EXTL3: variants seen among roughly 807,000 people sequenced by gnomAD.
The protein encoded by EXTL3 is exostosin-like 3.
Under a neutral mutation model 69.3 loss-of-function variants are expected in EXTL3, and 27 were observed. That is an observed-to-expected ratio of 0.39 (90% CI 0.29 to 0.54). The LOEUF is 0.54. Among genes scored for constraint, EXTL3 ranks in the 20% least tolerant of loss-of-function variants. The pLI, the probability that EXTL3 is intolerant of heterozygous loss-of-function variation, is 0.69. For missense variants in EXTL3, 1,003 were observed against 1,231.8 expected, an observed-to-expected ratio of 0.81 and a Z score of 2.78; for synonymous variants, 511 against 499.4, an observed-to-expected ratio of 1.02 and a Z score of -0.31.
chr8:28,635,967 G>T (rs1377896862), intron 1 of EXTL3, among the ~76,000 whole-genome samples: 1 of 152,098 alleles, frequency 6.6e-6, no homozygotes, highest in African/African-American at 2.4e-5. Flanking sequence ...CAATTCGCCT[G>T]CCTTAGTCTC....
chr8:28,731,787 C>T (rs1801543531), intron 4 of EXTL3, among the ~76,000 whole-genome samples: 1 of 151,890 alleles, frequency 6.6e-6, no homozygotes, highest in Non-Finnish European at 1.5e-5. Flanking sequence ...GGAACAGTGC[C>T]AGGATCCTGG....
At chr8:28,669,094 C>T (rs940505207) in intron 1 of EXTL3, among the ~76,000 whole-genome samples, 3 of 152,078 alleles carry the variant, frequency 2.0e-5, no homozygotes, top group African/African-American at 7.2e-5. Context: ...AAACTCTTGA[C>T]CTTAAGTGAT....
At chr8:28,656,883 G>GTCTTTCTTTCTTTCTTTCTTTCTT (rs150342301) in intron 1 of EXTL3, among the ~76,000 whole-genome samples, 17 of 151,256 alleles carry the variant, frequency 1.1e-4, no homozygotes, top group Non-Finnish European at 1.5e-4. Flanking sequence ...ATTATGGTTG[G>GTCTTTCTTTCTTTCTTTCTTTCTT]TCTTTCTTTC....
chr8:28,688,083 C>T (rs1397119607), intron 1 of EXTL3, among the ~76,000 whole-genome samples: 1 of 128,386 alleles, frequency 7.8e-6, no homozygotes, highest in Admixed American at 8.2e-5. Flanking sequence ...TTTTTTGAGA[C>T]GGAGTTTCGC....
In EXTL3 at chr8:28,737,675, C is replaced by G. The variant is rs1801681442; in HGVS notation, c.2421+12C>G. ...CCTTCTTTCACAAGGTAAGAAAAAG[C>G]TGGTAATAATGGCATCGACTTGGTG... On this transcript the variant is annotated intron_variant, in intron 5 of 6. Coordinates refer to ENST00000220562, the MANE Select transcript of EXTL3 (RefSeq NM_001440.4). 1 of 1,614,044 alleles carries G rather than the reference C, an allele frequency of 6.2e-7. No homozygotes were observed. The highest frequency in any genetic ancestry group is 2.2e-5 in the East Asian group (1 of 44,886).
chr8:28,665,849 A>G (rs1433715221), intron 1 of EXTL3, among the ~76,000 whole-genome samples: 1 of 152,206 alleles, frequency 6.6e-6, no homozygotes, highest in Non-Finnish European at 1.5e-5. Flanking sequence ...CAAAAGCTGA[A>G]TGTGTTTAAG....
At chr8:28,707,021 C>T (rs1800937952) in intron 1 of EXTL3, among the ~76,000 whole-genome samples, 1 of 152,110 alleles carries the variant, frequency 6.6e-6, no homozygotes, top group Admixed American at 6.5e-5. Flanking sequence ...CTTGAATCCA[C>T]CTGGAACTTA....
At chr8:28,655,041 T>C (rs760161435) in intron 1 of EXTL3, among the ~76,000 whole-genome samples, 1 of 152,236 alleles carries the variant, frequency 6.6e-6, no homozygotes, top group Admixed American at 6.5e-5. Flanking sequence ...TGTGTTTGTT[T>C]ATTGACTTTT....
At chr8:28,723,893 C>A (rs887388295) in intron 3 of EXTL3, among the ~76,000 whole-genome samples, 1 of 152,038 alleles carries the variant, frequency 6.6e-6, no homozygotes, top group Non-Finnish European at 1.5e-5. Context: ...CTGCCCATTT[C>A]TGCCTCCCAA....
chr8:28,619,297 A>T (rs1312485784), upstream of EXTL3, among the ~76,000 whole-genome samples: 3 of 72,020 alleles, frequency 4.2e-5, no homozygotes, highest in Non-Finnish European at 5.9e-5. Flanking sequence ...AAAAAAAAAA[A>T]AAAAAAAAAA....
chr8:28,693,916 G>T (rs1800651473), intron 1 of EXTL3, among the ~76,000 whole-genome samples: 1 of 152,246 alleles, frequency 6.6e-6, no homozygotes, highest in African/African-American at 2.4e-5. Flanking sequence ...AATAGTGGCT[G>T]TCAGCACTTT....
At chr8:28,632,448 A>C (rs1481686454) in intron 1 of EXTL3, among the ~76,000 whole-genome samples, 4 of 152,118 alleles carry the variant, frequency 2.6e-5, no homozygotes, top group Admixed American at 2.6e-4. Flanking sequence ...AATTAAAGTT[A>C]AGGTATATAA....
rs1261155749 is a variant in EXTL3 at position 28,718,017 on chromosome 8, C to T, written c.1958C>T (p.Ala653Val). 3.7e-6 allele frequency: 6 copies of T among 1,613,586 alleles called. No homozygotes were observed. Among genetic ancestry groups the T allele is most frequent in the Admixed American group, 1.7e-5 (1 of 59,960 alleles). The change falls in exon 3 of 7, where the codon GCG becomes GTG. Residue 653 changes from alanine (A) to valine (V), a missense_variant. Ala to Val is a moderately conservative substitution (Grantham distance 64, BLOSUM62 0). Transcript: ENST00000220562. ...GGTTCTGGCAAGGAATTTCAGGCAG[C>T]GCTTGGAGGCAATGTTCCCCGAGAG... ...AGGSGKEFQA[A>V]LGGNVPREQF...
At chr8:28,737,972 C>T (rs1801687430) in intron 5 of EXTL3, among the ~76,000 whole-genome samples, 1 of 152,146 alleles carries the variant, frequency 6.6e-6, no homozygotes, top group African/African-American at 2.4e-5. Flanking sequence ...CAAATACCTT[C>T]CAGTTTTAAC....
chr8:28,679,332 G>C (rs1024871198), intron 1 of EXTL3, among the ~76,000 whole-genome samples: 1 of 152,158 alleles, frequency 6.6e-6, no homozygotes. Flanking sequence ...TGTAGTCCCA[G>C]CTACTCGGGA....
At chr8:28,633,490 C>T (rs1015115817) in intron 1 of EXTL3, among the ~76,000 whole-genome samples, 6 of 151,738 alleles carry the variant, frequency 4.0e-5, no homozygotes, top group African/African-American at 1.5e-4. Context: ...AAAAATTAGC[C>T]GGGTGTGGTG....
intron 3 of EXTL3, among the ~76,000 whole-genome samples, chr8:28,728,960 T>C (rs1801472313): frequency 6.6e-6 from 1 of 152,150 alleles, no homozygotes; most frequent in South Asian, 2.1e-4. Context: ...CATGCCTTCT[T>C]AATTGGCAAC....
chr8:28,631,143 C>CTTTTT (rs10659135), intron 1 of EXTL3, among the ~76,000 whole-genome samples: 28,997 of 144,420 alleles, frequency 0.2, 3,554 homozygotes, highest in Non-Finnish European at 0.27. Flanking sequence ...TTAGAGAGGA[C>CTTTTT]TTTTTTTTTT....
intron 5 of EXTL3, 70 bp from the exon 6 acceptor site, chr8:28,743,016 A>C: frequency 2.5e-6 from 4 of 1,583,616 alleles, no homozygotes; most frequent in South Asian, 2.2e-5. Flanking sequence ...CCATCCATGC[A>C]TATTTTGGCT....
Sources: gnomAD v4.1 joint callset for allele counts (sites outside exome capture counted in the v4.1 genomes callset) on GRCh38, gnomAD v4.1.1 for gene constraint, MANE v1.5 for transcripts, NCBI Gene and HGNC (gene_info 2026-07-23, HGNC 2026-07-21) for gene names.